The following VIPAS39 variants were observed in gnomAD, a reference collection of about 807,000 sequenced individuals.
VIPAS39 encodes spermatogenesis-defective protein 39 homolog.
A neutral mutation model predicts 84.7 loss-of-function variants in VIPAS39; 63 were observed. The observed-to-expected ratio is 0.74, with a 90% CI of 0.61 to 0.92. The LOEUF (loss-of-function observed/expected upper bound fraction) is 0.92. Ranked by LOEUF, VIPAS39 falls within the 40% of genes least tolerant of loss-of-function variation. VIPAS39 has a pLI of 0.00. For synonymous variants in VIPAS39, 192 were observed against 216.5 expected, an observed-to-expected ratio of 0.89 and a Z score of 0.99; for missense variants, 499 against 604.5, an observed-to-expected ratio of 0.83 and a Z score of 1.83.
At chr14:77,452,331 G>GT (rs1010665019) in intron 3 of VIPAS39, among the ~76,000 whole-genome samples, 160 of 152,042 alleles carry the variant, frequency 1.1e-3, no homozygotes, top group African/African-American at 3.6e-3. Flanking sequence ...AGCAACGATT[G>GT]TTTTTTGGGA....
At position 77,444,298 on chromosome 14, in the gene VIPAS39, T is replaced by C. The variant is rs1010852142; in HGVS notation, c.548A>G (p.Gln183Arg). The C allele has an allele frequency of 6.2e-7, 1 of 1,613,878 alleles. No individual in the cohort carries two copies. Among genetic ancestry groups the C allele is most frequent in the Non-Finnish European group, 8.5e-7 (1 of 1,179,810 alleles). ...CATGCTTACTGCCTCTTCTAGGAGT[T>C]GTAGTTTGTCCTGTAAGGAGCGGAA... ...ERFRSLQDKL[Q>R]LLEEAVSMHD... The change falls in exon 8 of 20, where the codon CAA becomes CGA. Residue 183 changes from glutamine (Q) to arginine (R), a missense_variant. Coordinates refer to ENST00000557658, the MANE Select transcript of VIPAS39 (RefSeq NM_001193315.2).
intron 1 of VIPAS39, among the ~76,000 whole-genome samples, 166 bp from the exon 2 acceptor site, chr14:77,454,268 C>A (rs1040012534): frequency 6.6e-6 from 1 of 152,186 alleles, no homozygotes; most frequent in South Asian, 2.1e-4. Context: ...ATTCTTGGGT[C>A]TCCAACTGAT....
intron 12 of VIPAS39, 44 bp downstream of exon 12, chr14:77,437,764 G>C (rs1217676795): frequency 1.3e-6 from 2 of 1,584,642 alleles, no homozygotes; most frequent in Admixed American, 3.3e-5. Context: ...ATTCCTTCTG[G>C]GTAAAGGTAT....
In VIPAS39 at chr14:77,449,373, C is replaced by T. The variant is rs755923624; in HGVS notation, c.383-16G>A. ...TCTGACAGAGCTGAAAAAGAATAAG[C>T]AGCTGGTTCAGAAGGGCACCATGAA... On this transcript the variant is annotated splice_polypyrimidine_tract_variant and intron_variant, in intron 5 of 19. Transcript: ENST00000557658. 8.1e-6 allele frequency: 13 copies of T among 1,613,952 alleles called. No homozygotes were observed. Among genetic ancestry groups the T allele is most frequent in the Non-Finnish European group, 1.1e-5 (13 of 1,179,962 alleles).
At chr14:77,441,641 G>T (rs1381919658) in intron 10 of VIPAS39, among the ~76,000 whole-genome samples, 1 of 152,154 alleles carries the variant, frequency 6.6e-6, no homozygotes, top group Non-Finnish European at 1.5e-5. Flanking sequence ...GAGGGAGGAA[G>T]CAGCCAGCCT....
At position 77,435,240 on chromosome 14, in the gene VIPAS39, T is replaced by C. The variant is rs2078588995; in HGVS notation, c.1047+19A>G. On this transcript the variant is annotated intron_variant, in intron 14 of 19. Transcript: ENST00000557658. ...TTGTGCAATGAGAGTTTGTGGAATC[T>C]TCCATATTTTGCCTGTACCTCAGCC... is the stretch of plus-strand genomic sequence containing the variant. 6.2e-7 allele frequency: 1 copy of C among 1,614,002 alleles called. No individual in the cohort carries two copies. Among genetic ancestry groups the C allele is most frequent in the South Asian group, 1.1e-5 (1 of 91,076 alleles).
intron 10 of VIPAS39, among the ~76,000 whole-genome samples, chr14:77,441,857 C>A (rs1347867852): frequency 1.3e-5 from 2 of 152,112 alleles, no homozygotes; most frequent in African/African-American, 4.8e-5. Flanking sequence ...ATCATGTGCA[C>A]ATATTTTAAT....
chr14:77,449,062 G>A (rs941195333), intron 6 of VIPAS39, among the ~76,000 whole-genome samples: 1 of 152,188 alleles, frequency 6.6e-6, no homozygotes, highest in Admixed American at 6.5e-5. Context: ...TAATGAGTAA[G>A]CAAAGTATGG....
chr14:77,430,320 A>G (rs1043498869), intron 16 of VIPAS39, among the ~76,000 whole-genome samples: 1 of 152,216 alleles, frequency 6.6e-6, no homozygotes, highest in African/African-American at 2.4e-5. Context: ...GAAAAACAGA[A>G]AATTTTTAAA....
chr14:77,457,473 A>G, intron 1 of VIPAS39, 22 bp downstream of exon 1: 1 of 1,429,348 alleles, frequency 7.0e-7, no homozygotes, highest in Non-Finnish European at 9.5e-7. Context: ...TACGCGACCC[A>G]AGGGGCTTGG....
chr14:77,438,139 C>T lies in VIPAS39; in HGVS notation c.763-258G>A, dbSNP rs12101260. 6.5e-3 allele frequency among the ~76,000 whole-genome samples: 986 copies of T among 152,194 alleles called. 11 individuals are homozygous for T. Among genetic ancestry groups the T allele is most frequent in the African/African-American group, 0.023 (937 of 41,538 alleles). ...TAAATTAATTAATGTAAAAATTCACCTCCTTAGTTAACACTAACCACTTTT... is the reference window on the plus strand; with the variant it reads ...TAAATTAATTAATGTAAAAATTCACTTCCTTAGTTAACACTAACCACTTTT... On this transcript the variant is annotated intron_variant, in intron 11 of 19. Coordinates refer to ENST00000557658, the MANE Select transcript of VIPAS39 (RefSeq NM_001193315.2).
intron 19 of VIPAS39, 71 bp from the exon 20 acceptor site, chr14:77,427,707 G>C: frequency 6.3e-7 from 1 of 1,588,966 alleles, no homozygotes; most frequent in South Asian, 1.1e-5. Context: ...CAGAGAAAAT[G>C]CAACAAAACA....
chr14:77,448,002 T>C (rs1442991976), intron 7 of VIPAS39, among the ~76,000 whole-genome samples: 3 of 148,428 alleles, frequency 2.0e-5, no homozygotes, highest in Non-Finnish European at 4.5e-5. Context: ...CTCACCAGGC[T>C]GAAATGCAGT....
At position 77,429,196 on chromosome 14, in the gene VIPAS39, T is replaced by C. The variant is rs556322982; in HGVS notation, c.1267-101A>G. The C allele has an allele frequency of 1.3e-5, 13 of 991,802 alleles. No individual in the cohort carries two copies. The East Asian group carries it at 3.1e-4, about 23-fold the overall frequency. 61.4% of individuals were successfully genotyped at this position (991,802 alleles called of 1,614,324 possible). On this transcript the variant is annotated intron_variant, in intron 17 of 19. Transcript: ENST00000557658. ...TCCTGAAGAAGGCAAAAGAGTTCAATAGCTAATGTTTCCAGTTTCCATCAT... is the reference window on the plus strand; with the variant it reads ...TCCTGAAGAAGGCAAAAGAGTTCAACAGCTAATGTTTCCAGTTTCCATCAT...
intron 17 of VIPAS39, among the ~76,000 whole-genome samples, chr14:77,429,379 T>A (rs1422566603): frequency 6.6e-6 from 1 of 152,204 alleles, no homozygotes; most frequent in Non-Finnish European, 1.5e-5. Context: ...CTCTGCTCAT[T>A]TCTCCCTGAT....
chr14:77,437,934 G>A, intron 11 of VIPAS39, 53 bp from the exon 12 acceptor site: 1 of 1,562,074 alleles, frequency 6.4e-7, no homozygotes, highest in Non-Finnish European at 8.8e-7. Context: ...AGATGAGGGA[G>A]ATAGCTGATT....
chr14:77,446,979 G>A (rs1361358142), intron 7 of VIPAS39, among the ~76,000 whole-genome samples: 1 of 146,320 alleles, frequency 6.8e-6, no homozygotes, highest in Non-Finnish European at 1.5e-5. Context: ...AAGATTATAA[G>A]TTACATTTAT....
chr14:77,448,338 T>C (rs1263650156), intron 7 of VIPAS39, among the ~76,000 whole-genome samples, 156 bp downstream of exon 7: 1 of 152,172 alleles, frequency 6.6e-6, no homozygotes, highest in East Asian at 1.9e-4. Context: ...TAATGGAGAA[T>C]CAGAAATTTT....
chr14:77,445,652 A>G (rs2078776579), intron 7 of VIPAS39, among the ~76,000 whole-genome samples: 1 of 152,110 alleles, frequency 6.6e-6, no homozygotes, highest in African/African-American at 2.4e-5. Flanking sequence ...TTTTATATAT[A>G]TTCTGGCCAA....
Sources: allele counts gnomAD v4.1 joint callset (sites outside exome capture counted in the v4.1 genomes callset), GRCh38; gene constraint gnomAD v4.1.1; transcripts MANE v1.5; gene names NCBI Gene and HGNC (gene_info 2026-07-23, HGNC 2026-07-21).